PPP2R1B: variants seen among roughly 807,000 people sequenced by gnomAD.
PPP2R1B encodes serine/threonine-protein phosphatase 2A 65 kDa regulatory subunit A beta isoform.
PPP2R1B carries 58 observed loss-of-function variants against 72.7 expected under a neutral mutation model. The ratio of observed to expected loss-of-function variants is 0.80; its 90% CI spans 0.65 to 0.99. The LOEUF is 0.99. PPP2R1B is among the 50% of genes least tolerant of loss of function. The pLI, the probability that PPP2R1B is intolerant of heterozygous loss-of-function variation, is 0.00. For synonymous variants in PPP2R1B, 256 were observed against 264.6 expected, an observed-to-expected ratio of 0.97 and a Z score of 0.32; for missense variants, 695 against 733.6, an observed-to-expected ratio of 0.95 and a Z score of 0.61.
At chr11:111,758,789 C>T (rs1945222277) in intron 5 of PPP2R1B, among the ~76,000 whole-genome samples, 1 of 152,080 alleles carries the variant, frequency 6.6e-6, no homozygotes, top group Non-Finnish European at 1.5e-5. Context: ...TGATCGTTAA[C>T]AAGTTGGTAT....
At chr11:111,759,129 C>G (rs940028170) in intron 5 of PPP2R1B, among the ~76,000 whole-genome samples, 1 of 152,174 alleles carries the variant, frequency 6.6e-6, no homozygotes, top group African/African-American at 2.4e-5. Flanking sequence ...CACCTAGATT[C>G]AAATTCTGAC....
intron 5 of PPP2R1B, among the ~76,000 whole-genome samples, chr11:111,757,014 T>C (rs1945145589): frequency 6.6e-6 from 1 of 151,408 alleles, no homozygotes; most frequent in East Asian, 1.9e-4. Flanking sequence ...CTCAGGTGGC[T>C]GAGGCAGCAG....
At position 111,739,525 on chromosome 11, in the gene PPP2R1B, T is replaced by C. The variant is rs1402009427; in HGVS notation, c.*2071A>G. ...GAGGCCCCGCTGAACCCCCGACCCATGCTTGAGAAAGCCAGGGCCCACTCT... is the reference window on the plus strand; with the variant it reads ...GAGGCCCCGCTGAACCCCCGACCCACGCTTGAGAAAGCCAGGGCCCACTCT... On this transcript the variant is annotated 3_prime_UTR_variant, in exon 15 of 15. Transcript: ENST00000527614. The C allele has an allele frequency of 1.2e-5, 12 of 985,284 alleles. No homozygotes were observed. Among genetic ancestry groups the C allele is most frequent in the African/African-American group, 1.7e-5 (1 of 57,236 alleles). The allele number at this position is 985,284 out of a possible 1,614,324, so 61.0% of individuals were successfully genotyped here. A position where few individuals can be genotyped will look rare whatever the true frequency, so the allele number is the denominator to read the frequency against.
chr11:111,720,352 A>G, the PPP2R1B span: 51 of 1,049,182 alleles, frequency 4.9e-5, no homozygotes, highest in Non-Finnish European at 6.4e-5. Flanking sequence ...AGGGCTCTGA[A>G]AAGATGTTTT....
At chr11:111,761,165 G>A (rs1555051317) in intron 3 of PPP2R1B, 114 bp from the exon 4 acceptor site, 1 of 899,524 alleles carries the variant, frequency 1.1e-6, no homozygotes, top group African/African-American at 1.6e-5. Context: ...CAGAATGTTA[G>A]CTGCATCATA....
chr11:111,723,642 C>A, downstream of PPP2R1B: 2 of 1,614,138 alleles, frequency 1.2e-6, no homozygotes, highest in East Asian at 2.2e-5. Context: ...TCTCAGCAGG[C>A]CCCACCGTTC....
the PPP2R1B span, chr11:111,720,017 G>A: frequency 5.0e-6 from 8 of 1,606,274 alleles, 1 homozygote; most frequent in African/African-American, 8.0e-5. Context: ...CGGTAGAGGA[G>A]CGACACTAGC....
At chr11:111,688,890 T>C in the PPP2R1B span, among the ~76,000 whole-genome samples, 3 of 152,218 alleles carry the variant, frequency 2.0e-5, no homozygotes, top group African/African-American at 7.2e-5. The surrounding 1 kb of genome is among the most constrained non-coding windows in gnomAD (Gnocchi z 4.2). Flanking sequence ...TTTTTGTCAA[T>C]TACATTTTAA....
chr11:111,732,462 AG>A (rs1174726341), intron 15 of PPP2R1B, among the ~76,000 whole-genome samples: 1 of 152,180 alleles, frequency 6.6e-6, no homozygotes, highest in African/African-American at 2.4e-5. Flanking sequence ...AGGCAGAGGC[AG>A]GTGGATCATC....
the PPP2R1B span, chr11:111,703,303 T>C: frequency 6.2e-7 from 1 of 1,614,214 alleles, no homozygotes; most frequent in East Asian, 2.2e-5. Flanking sequence ...TAGAAGTTCC[T>C]GTCCAGAGAC....
At chr11:111,764,113 G>A (rs563912077) in intron 3 of PPP2R1B, among the ~76,000 whole-genome samples, 97 of 152,074 alleles carry the variant, frequency 6.4e-4, no homozygotes, top group African/African-American at 2.2e-3. Context: ...CTTCTATTAC[G>A]TGGGTATTTT....
At chr11:111,731,615 T>C (rs757364470) in intron 15 of PPP2R1B, among the ~76,000 whole-genome samples, 7 of 152,208 alleles carry the variant, frequency 4.6e-5, no homozygotes, top group Admixed American at 6.5e-5. Context: ...CTATAGAACA[T>C]TGACAGTTCC....
chr11:111,749,767 C>T (rs17113227), intron 10 of PPP2R1B, among the ~76,000 whole-genome samples: 38,625 of 152,036 alleles, frequency 0.25, 5,151 homozygotes, highest in Middle Eastern at 0.31. Flanking sequence ...GCAAAATGTT[C>T]ATGACTGAGG....
At position 111,755,005 on chromosome 11, in the gene PPP2R1B, C is replaced by T. The variant is rs1555049134; in HGVS notation, c.933G>A (p.Arg311=). 1 of 1,613,594 alleles carries T rather than the reference C, an allele frequency of 6.2e-7. No individual in the cohort carries two copies. The highest frequency in any genetic ancestry group is 8.5e-7 in the Non-Finnish European group (1 of 1,179,616). Residue 311 remains arginine (R), a synonymous_variant, in exon 7 of 15, where the codon CGG becomes CGA. Coordinates refer to ENST00000527614, the MANE Select transcript of PPP2R1B (RefSeq NM_002716.5). ...CTTTTACTTTGTGGGCAGCAGCTGCCCGGACTTCAGCTTCACAGTCTTTAA... is the reference window on the plus strand; with the variant it reads ...CTTTTACTTTGTGGGCAGCAGCTGCTCGGACTTCAGCTTCACAGTCTTTAA... The part of the protein sequence containing the change: ...NLLKDCEAEV[R]AAAAHKVKEL...
intron 2 of PPP2R1B, 63 bp downstream of exon 2, chr11:111,765,231 C>A: frequency 6.9e-7 from 1 of 1,452,678 alleles, no homozygotes; most frequent in South Asian, 1.2e-5. Flanking sequence ...CTAAAAAAGT[C>A]AGTGTTGAAA....
At chr11:111,708,546 T>G in the PPP2R1B span, among the ~76,000 whole-genome samples, 1 of 152,128 alleles carries the variant, frequency 6.6e-6, no homozygotes, top group Admixed American at 6.5e-5. Flanking sequence ...CGTCATATTT[T>G]TTTCTCATAC....
downstream of PPP2R1B, among the ~76,000 whole-genome samples, chr11:111,733,426 G>A (rs1944253123): frequency 6.6e-6 from 1 of 152,128 alleles, no homozygotes; most frequent in African/African-American, 2.4e-5. Flanking sequence ...CAGAAAATGT[G>A]GGCCCAGAGG....
intron 10 of PPP2R1B, 77 bp from the exon 11 acceptor site, chr11:111,748,091 G>A: frequency 7.3e-7 from 1 of 1,369,680 alleles, no homozygotes; most frequent in Admixed American, 2.0e-5. Flanking sequence ...ATTACACCAA[G>A]GTTACCTGAA....
Position 111,731,408 on chromosome 11 carries a change from T to C in PPP2R1B, c.1912-4351A>G, listed in dbSNP as rs117680887. Among the ~76,000 whole-genome samples, 1,119 of 152,312 alleles carry C rather than the reference T, an allele frequency of 7.3e-3. 8 individuals are homozygous for C. Among genetic ancestry groups the C allele is most frequent in the Middle Eastern group, 0.054 (16 of 294 alleles). Reference sequence around the variant, plus strand: ...CGCTCACACAGTGCATTCCCTCACATGGGCGGGGCACCCTTTTGAGGCCCA... The same window carrying C: ...CGCTCACACAGTGCATTCCCTCACACGGGCGGGGCACCCTTTTGAGGCCCA... On this transcript the variant is annotated intron_variant, in intron 15 of 15. Coordinates refer to the PPP2R1B transcript ENST00000311129.
Sources: allele counts gnomAD v4.1 joint callset (sites outside exome capture counted in the v4.1 genomes callset), GRCh38; gene constraint gnomAD v4.1.1; non-coding constraint Gnocchi (gnomAD v3.1); transcripts MANE v1.5; gene names NCBI Gene and HGNC (gene_info 2026-07-23, HGNC 2026-07-21).